Variants in CSTF3 observed in about 807,000 individuals in gnomAD.
CSTF3 encodes the protein CF-1 77 kDa subunit.
In CSTF3, 29 loss-of-function variants were observed where a neutral mutation model predicts 105.8. The ratio of observed to expected loss-of-function variants is 0.27; its 90% CI spans 0.20 to 0.37. The LOEUF (loss-of-function observed/expected upper bound fraction) is 0.37. CSTF3 is among the 10% of genes least tolerant of loss of function. CSTF3 has a pLI of 1.00. For missense variants in CSTF3, 357 were observed against 879.3 expected (o/e 0.41, Z 7.51); for synonymous variants, 252 against 281.9 (o/e 0.89, Z 1.06).
chr11:33,126,244 G>A (rs564340708), intron 3 of CSTF3, among the ~76,000 whole-genome samples: 1 of 152,196 alleles, frequency 6.6e-6, no homozygotes, highest in African/African-American at 2.4e-5. Flanking sequence ...AGGATTGCTT[G>A]AGCCCGAGTT....
chr11:33,122,285 G>A (rs1403952588), intron 3 of CSTF3, among the ~76,000 whole-genome samples: 6 of 152,136 alleles, frequency 3.9e-5, no homozygotes, highest in Non-Finnish European at 8.8e-5. Flanking sequence ...AAAAGGATCT[G>A]ATTGTTGAAA....
intron 3 of CSTF3, among the ~76,000 whole-genome samples, chr11:33,135,850 A>C (rs1855647819): frequency 6.6e-6 from 1 of 152,154 alleles, no homozygotes; most frequent in African/African-American, 2.4e-5. Flanking sequence ...GCTAGAGCTG[A>C]AATGTTGCAT....
chr11:33,106,212 C>A (rs1855324085), intron 5 of CSTF3, 148 bp from the exon 6 acceptor site: 2 of 605,786 alleles, frequency 3.3e-6, no homozygotes, highest in African/African-American at 1.9e-5. Flanking sequence ...GAATTCAAGA[C>A]CTGCCTGTGC....
At chr11:33,154,820 CCTAA>C (rs1590290944) in intron 1 of CSTF3, among the ~76,000 whole-genome samples, 2 of 152,044 alleles carry the variant, frequency 1.3e-5, no homozygotes, top group African/African-American at 4.8e-5. Flanking sequence ...AGAGGAGTAA[CCTAA>C]CTGATTCCAT....
At chr11:33,108,574 A>G (rs1234112431) in intron 3 of CSTF3, among the ~76,000 whole-genome samples, 156 bp from the exon 4 acceptor site, 1 of 152,226 alleles carries the variant, frequency 6.6e-6, no homozygotes, top group East Asian at 1.9e-4. Context: ...TGAAGCAAAC[A>G]TGGATAAAAT....
At chr11:33,159,660 C>A (rs1849912770) in intron 1 of CSTF3, among the ~76,000 whole-genome samples, 1 of 149,814 alleles carries the variant, frequency 6.7e-6, no homozygotes, top group African/African-American at 2.5e-5. Flanking sequence ...GTACTCCCAG[C>A]TACGGAGGAG....
Position 33,099,576 on chromosome 11 carries a change from T to C in CSTF3, c.936+32A>G. 1.4e-6 allele frequency: 2 copies of C among 1,399,040 alleles called. No individual in the cohort carries two copies. The highest frequency in any genetic ancestry group is 2.0e-6 in the Non-Finnish European group (2 of 1,003,240). The allele number at this position is 1,399,040 out of a possible 1,614,324, so 86.7% of individuals were successfully genotyped here. On this transcript the variant is annotated intron_variant, in intron 11 of 20. Transcript: ENST00000323959. The surrounding 1 kb of genome is among the most constrained non-coding windows in gnomAD (Gnocchi z 4.1). ...AATTGCTATATCAAAACCACAAAAA[T>C]ATCAAAGTGGGGATAGGGAAGGAAC...
chr11:33,117,174 G>C (rs1369802218), intron 3 of CSTF3, among the ~76,000 whole-genome samples: 1 of 151,904 alleles, frequency 6.6e-6, no homozygotes, highest in Non-Finnish European at 1.5e-5. Context: ...CTGAAGTAGA[G>C]AATATTCAGA....
intron 17 of CSTF3, 24 bp from the exon 18 acceptor site, chr11:33,087,165 C>A (rs1255884532): frequency 1.1e-5 from 17 of 1,610,704 alleles, no homozygotes; most frequent in Non-Finnish European, 1.4e-5. Context: ...ACAGAAGAAT[C>A]CTAAACCTGA....
intron 10 of CSTF3, among the ~76,000 whole-genome samples, chr11:33,101,260 G>A (rs1855278103): frequency 6.6e-6 from 1 of 152,118 alleles, no homozygotes; most frequent in South Asian, 2.1e-4. Context: ...GCCAGATCCC[G>A]AAAATCTGGG....
At position 33,085,098 on chromosome 11, in the gene CSTF3, G is replaced by A; in HGVS notation, c.2143C>T (p.Arg715Trp). Reference protein sequence around the residue: ...HDIYRARQQKRIR With the variant: ...HDIYRARQQKWIR ...AGGCGTTTAAAACCCTACCGAATCC[G>A]CTTCTGCTGCCGTGCTCTGTAAATG... The change falls in exon 21 of 21, where the codon CGG becomes TGG. Residue 715 changes from arginine to tryptophan, a missense_variant. Around this residue, in one of 4 missense-constraint regions of CSTF3, gnomAD observed 73 missense variants for 105.8 expected, o/e 0.69. Transcript: ENST00000323959. 5 of 1,614,088 alleles carry A rather than the reference G, an allele frequency of 3.1e-6. No individual in the cohort carries two copies. The highest frequency in any genetic ancestry group is 3.4e-6 in the Non-Finnish European group (4 of 1,179,994).
intron 3 of CSTF3, among the ~76,000 whole-genome samples, chr11:33,135,608 T>A (rs1241388974): frequency 6.6e-6 from 1 of 152,096 alleles, no homozygotes; most frequent in Non-Finnish European, 1.5e-5. Context: ...ACATATAAAA[T>A]GAGGGGGCTA....
At chr11:33,152,152 G>A (rs1019096853) in intron 1 of CSTF3, among the ~76,000 whole-genome samples, 15 of 152,200 alleles carry the variant, frequency 9.9e-5, no homozygotes, top group African/African-American at 3.4e-4. Flanking sequence ...CTACTCAGGA[G>A]GCTAAGGTGG....
At chr11:33,130,647 T>C (rs1031966987) in intron 3 of CSTF3, among the ~76,000 whole-genome samples, 1 of 152,140 alleles carries the variant, frequency 6.6e-6, no homozygotes, top group African/African-American at 2.4e-5. Flanking sequence ...TTTAAGTAAA[T>C]GCCATTTTAA....
At chr11:33,118,253 A>C (rs1345702551) in intron 3 of CSTF3, among the ~76,000 whole-genome samples, 1 of 151,902 alleles carries the variant, frequency 6.6e-6, no homozygotes, top group Non-Finnish European at 1.5e-5. Context: ...TAAAAAGTTA[A>C]ATAAATGCTA....
chr11:33,102,229 C>T lies in CSTF3; in HGVS notation c.774G>A (p.Trp258Ter). 1 of 1,613,930 alleles carries T rather than the reference C, an allele frequency of 6.2e-7. No homozygotes were observed. Among genetic ancestry groups the T allele is most frequent in the Non-Finnish European group, 8.5e-7 (1 of 1,179,900 alleles). ...CTGTACGAAGAGGGTTGCTCTTTTC[C>T]CACTGTATATATTTCTTCCACATAT... ...QVDMWKKYIQWEKSNPLRTED... is the reference protein window; with the variant it reads ...QVDMWKKYIQ The change falls in exon 10 of 21, where the codon TGG becomes TGA. Residue 258 changes from tryptophan to a stop codon, truncating the protein, a stop_gained. Coordinates refer to ENST00000323959, the MANE Select transcript of CSTF3 (RefSeq NM_001326.3). LOFTEE classifies it high-confidence loss of function.
At chr11:33,090,755 T>A in intron 16 of CSTF3, 28 bp from the exon 17 acceptor site, 1 of 1,472,886 alleles carries the variant, frequency 6.8e-7, no homozygotes, top group Admixed American at 2.3e-5. Context: ...CAATCAATAC[T>A]TTAATTATTC....
chr11:33,085,145 G>T lies in CSTF3; in HGVS notation c.2096C>A (p.Ala699Asp), dbSNP rs1184610844. The T allele has an allele frequency of 6.2e-7, 1 of 1,614,004 alleles. No homozygotes were observed. The highest frequency in any genetic ancestry group is 1.3e-5 in the African/African-American group (1 of 74,912). Residue 699 changes from alanine to aspartate, a missense_variant, in exon 21 of 21, where the codon GCC (alanine) becomes GAC (aspartate). Around this residue, in one of 4 missense-constraint regions of CSTF3, gnomAD observed 73 missense variants for 105.8 expected, o/e 0.69. Coordinates refer to ENST00000323959, the MANE Select transcript of CSTF3 (RefSeq NM_001326.3). ...AATGTCATGAACAGGGGGGACAACG[G>T]CTCCCTTTTCTTCATCTTCATCTGA... ...EDSDEDEEKG[A>D]VVPPVHDIYR...
chr11:33,105,432 A>G (rs754227160), intron 8 of CSTF3, 135 bp downstream of exon 8: 5 of 844,296 alleles, frequency 5.9e-6, no homozygotes, highest in Non-Finnish European at 8.9e-6. Flanking sequence ...CCTTGCAAAA[A>G]CATTATAGTG....
Sources: allele counts gnomAD v4.1 joint callset (sites outside exome capture counted in the v4.1 genomes callset), GRCh38; gene constraint gnomAD v4.1.1; regional missense constraint gnomAD v4.1.1; non-coding constraint Gnocchi (gnomAD v3.1); transcripts MANE v1.5; gene names NCBI Gene and HGNC (gene_info 2026-07-23, HGNC 2026-07-21).